CNTNAP2: variants seen among roughly 807,000 people sequenced by gnomAD.
The protein encoded by CNTNAP2 is contactin associated protein 2, also known as contactin-associated protein-like 2.
CNTNAP2 carries 98 observed loss-of-function variants against 155.2 expected under a neutral mutation model. That is an observed-to-expected ratio of 0.63 (90% CI 0.54 to 0.75). CNTNAP2 has a LOEUF of 0.75. Among genes scored for constraint, CNTNAP2 ranks in the 30% least tolerant of loss-of-function variants. The probability of loss-of-function intolerance (pLI) is 0.00; values close to 1 mark genes in which losing one functional copy is unlikely to be tolerated. For missense variants in CNTNAP2, 1,727 were observed against 1,688.1 expected (o/e 1.02, Z -0.40); for synonymous variants, 651 against 631.2 (o/e 1.03, Z -0.47).
At chr7:146,909,930 T>G (rs1197709762) in intron 3 of CNTNAP2, among the ~76,000 whole-genome samples, 1 of 42,698 alleles carries the variant, frequency 2.3e-5, no homozygotes, top group East Asian at 4.0e-4. Context: ...AAAATCTCCT[T>G]AAGCTGATAA....
chr7:146,174,057 T>C (rs551656626), intron 1 of CNTNAP2, among the ~76,000 whole-genome samples: 2 of 151,848 alleles, frequency 1.3e-5, no homozygotes, highest in South Asian at 4.2e-4. Flanking sequence ...ACAAAAATAA[T>C]AACCAGAGAT....
chr7:148,266,890 G>T, intron 20 of CNTNAP2, 143 bp from the exon 21 acceptor site: 1 of 772,184 alleles, frequency 1.3e-6, no homozygotes, highest in Non-Finnish European at 2.3e-6. Flanking sequence ...ATTTTCTCGG[G>T]GTGGTGTTTT....
chr7:146,823,799 A>T (rs938794303), intron 2 of CNTNAP2, among the ~76,000 whole-genome samples: 1 of 151,826 alleles, frequency 6.6e-6, no homozygotes, highest in Admixed American at 6.6e-5. Context: ...TTTTCTTCCC[A>T]TTTTTTTATG....
chr7:147,217,786 G>C (rs1395475546), intron 8 of CNTNAP2, among the ~76,000 whole-genome samples: 1 of 151,970 alleles, frequency 6.6e-6, no homozygotes, highest in Non-Finnish European at 1.5e-5. Context: ...GATGCTTTCT[G>C]TTTTGGAAAG....
rs192432829 is a variant in CNTNAP2 at position 147,738,744 on chromosome 7, T to C, written c.2098+99438T>C. ...ATCTTGGGTCACTGCAACTTCTGCCTCCTGGGTTCAGGTGATTCTCCTGCC... is the reference window on the plus strand; with the variant it reads ...ATCTTGGGTCACTGCAACTTCTGCCCCCTGGGTTCAGGTGATTCTCCTGCC... On this transcript the variant is annotated intron_variant, in intron 13 of 23. Coordinates refer to ENST00000361727, the MANE Select transcript of CNTNAP2 (RefSeq NM_014141.6). Among the ~76,000 whole-genome samples, 10 of 150,680 alleles carry C rather than the reference T, an allele frequency of 6.6e-5. No individual in the cohort carries two copies. In the East Asian group the frequency reaches 1.8e-3, roughly 27 times the overall value.
At chr7:146,646,036 C>G (rs1291131969) in intron 1 of CNTNAP2, among the ~76,000 whole-genome samples, 1 of 152,162 alleles carries the variant, frequency 6.6e-6, no homozygotes, top group Non-Finnish European at 1.5e-5. Flanking sequence ...GTTAAAACTT[C>G]TAGTGAAAAG....
intron 10 of CNTNAP2, among the ~76,000 whole-genome samples, chr7:147,463,759 A>G (rs943083692): frequency 2.6e-5 from 4 of 152,206 alleles, no homozygotes; most frequent in African/African-American, 9.6e-5. Context: ...TTGCCTTCCA[A>G]ACGGAATAGC....
At chr7:148,368,347 C>A (rs918114977) in intron 21 of CNTNAP2, among the ~76,000 whole-genome samples, 1 of 152,162 alleles carries the variant, frequency 6.6e-6, no homozygotes, top group African/African-American at 2.4e-5. Flanking sequence ...GAGCCCCAGG[C>A]AGTTCTTAAC....
At chr7:147,430,921 G>A (rs1256818890) in intron 10 of CNTNAP2, among the ~76,000 whole-genome samples, 4 of 151,886 alleles carry the variant, frequency 2.6e-5, no homozygotes, top group African/African-American at 4.8e-5. Flanking sequence ...AAAATTAGCC[G>A]GGCCTAGTCT....
At chr7:147,294,266 T>G (rs1805375183) in intron 8 of CNTNAP2, among the ~76,000 whole-genome samples, 1 of 152,224 alleles carries the variant, frequency 6.6e-6, no homozygotes, top group African/African-American at 2.4e-5. Context: ...TATTTATGTG[T>G]TTTTCAGATT....
intron 1 of CNTNAP2, among the ~76,000 whole-genome samples, chr7:146,421,499 G>C (rs1292782416): frequency 2.6e-5 from 4 of 151,858 alleles, no homozygotes; most frequent in African/African-American, 9.7e-5. Context: ...TTTTACAACA[G>C]GTAGAAAATG....
At chr7:147,674,961 G>A (rs1006231458) in intron 13 of CNTNAP2, among the ~76,000 whole-genome samples, 1 of 151,214 alleles carries the variant, frequency 6.6e-6, no homozygotes, top group African/African-American at 2.4e-5. Flanking sequence ...CTTCATTCAT[G>A]GATGTGTTAG....
chr7:147,500,712 C>A (rs919615146), intron 11 of CNTNAP2, among the ~76,000 whole-genome samples: 1 of 152,116 alleles, frequency 6.6e-6, no homozygotes, highest in Non-Finnish European at 1.5e-5. Context: ...AAAGCCCTTG[C>A]TACATAAGAG....
chr7:146,291,122 A>C (rs1423100689), intron 1 of CNTNAP2, among the ~76,000 whole-genome samples: 1 of 152,204 alleles, frequency 6.6e-6, no homozygotes, highest in Admixed American at 6.5e-5. Flanking sequence ...TATGTTTGTG[A>C]AATAAAAACT....
At chr7:148,387,737 T>G (rs1205298263) in intron 22 of CNTNAP2, among the ~76,000 whole-genome samples, 4 of 148,594 alleles carry the variant, frequency 2.7e-5, no homozygotes, top group Non-Finnish European at 4.6e-5. Context: ...TGGGGAGCTT[T>G]TTAAAACCCA....
chr7:146,838,300 A>T (rs910235580), intron 2 of CNTNAP2, among the ~76,000 whole-genome samples: 7 of 152,028 alleles, frequency 4.6e-5, no homozygotes, highest in African/African-American at 1.4e-4. Context: ...TCCCTAAAAC[A>T]GTGATTTTTT....
chr7:146,245,345 A>G (rs1799628179), intron 1 of CNTNAP2, among the ~76,000 whole-genome samples: 1 of 152,208 alleles, frequency 6.6e-6, no homozygotes, highest in Admixed American at 6.5e-5. Flanking sequence ...CAGGGAGCAG[A>G]AAGTATATGC....
intron 2 of CNTNAP2, among the ~76,000 whole-genome samples, chr7:146,777,118 T>C (rs1802403222): frequency 6.6e-6 from 1 of 152,166 alleles, no homozygotes; most frequent in Non-Finnish European, 1.5e-5. Context: ...TTCATCTCTT[T>C]TTGACCATTG....
chr7:147,769,712 A>G (rs1797438278), intron 13 of CNTNAP2, among the ~76,000 whole-genome samples: 1 of 152,186 alleles, frequency 6.6e-6, no homozygotes, highest in South Asian at 2.1e-4. Context: ...TTTGGCTTGT[A>G]TTAACATTTT....
Sources: allele counts gnomAD v4.1 joint callset (sites outside exome capture counted in the v4.1 genomes callset), GRCh38; gene constraint gnomAD v4.1.1; transcripts MANE v1.5; gene names NCBI Gene and HGNC (gene_info 2026-07-23, HGNC 2026-07-21).